PCDH11X: variants seen among roughly 807,000 people sequenced by gnomAD.
PCDH11X encodes the protein protocadherin 11 X-linked.
In PCDH11X, 18 loss-of-function variants were observed where a neutral mutation model predicts 53.3. That is an observed-to-expected ratio of 0.34 (90% confidence interval 0.23 to 0.50). PCDH11X has a LOEUF of 0.50. Ranked by LOEUF, PCDH11X falls within the 20% of genes least tolerant of loss-of-function variation. The pLI, the probability that PCDH11X is intolerant of heterozygous loss-of-function variation, is 0.98. For missense variants in PCDH11X, 570 were observed against 1,032.4 expected (o/e 0.55, Z 6.14); for synonymous variants, 279 against 393.3 (o/e 0.71, Z 3.44).
chrX:92,437,189 C>G (rs936492534), intron 9 of PCDH11X, among the ~76,000 whole-genome samples: 10 of 110,709 alleles, frequency 9.0e-5, no homozygotes, highest in African/African-American at 3.3e-4. Flanking sequence ...AGTAGATGTG[C>G]ATATGTGTGT....
intron 6 of PCDH11X, among the ~76,000 whole-genome samples, chrX:91,978,477 T>C (rs2062076259): frequency 9.2e-6 from 1 of 108,351 alleles, no homozygotes; most frequent in African/African-American, 3.4e-5. Flanking sequence ...CTCACTTTGC[T>C]GTACAGGAAG....
intron 10 of PCDH11X, among the ~76,000 whole-genome samples, chrX:92,526,295 A>G (rs1159641626): frequency 9.0e-6 from 1 of 110,880 alleles, no homozygotes; most frequent in Non-Finnish European, 1.9e-5. Context: ...ACTTTAGGAG[A>G]ATTGAGATTT....
chrX:92,257,497 G>T (rs1238037587), intron 7 of PCDH11X, among the ~76,000 whole-genome samples: 1 of 111,870 alleles, frequency 8.9e-6, no homozygotes, highest in African/African-American at 3.2e-5. Flanking sequence ...TCTGAGAGTA[G>T]GCTAGTCCCT....
chrX:92,406,669 A>G (rs1380925774), intron 9 of PCDH11X, among the ~76,000 whole-genome samples: 1 of 98,307 alleles, frequency 1.0e-5, no homozygotes, highest in Non-Finnish European at 2.0e-5. Flanking sequence ...CACGCCTGTA[A>G]TCCCAGCACT....
chrX:92,114,894 C>T (rs146729080), intron 6 of PCDH11X, among the ~76,000 whole-genome samples: 1,316 of 110,465 alleles, frequency 0.012, 11 homozygotes, highest in Non-Finnish European at 0.02. Flanking sequence ...TGCAATGGCG[C>T]GAACTCGGCT....
chrX:92,512,629 G>A (rs2750899), intron 10 of PCDH11X, among the ~76,000 whole-genome samples: 2 of 112,003 alleles, frequency 1.8e-5, no homozygotes, highest in East Asian at 2.8e-4. Flanking sequence ...GCATCTATAC[G>A]CCACAAAACT....
At chrX:92,045,007 A>G (rs1465701456) in intron 6 of PCDH11X, among the ~76,000 whole-genome samples, 3 of 81,207 alleles carry the variant, frequency 3.7e-5, no homozygotes, top group Non-Finnish European at 6.1e-5. Flanking sequence ...AGAAAACCAC[A>G]TAATTCCTGT....
intron 10 of PCDH11X, among the ~76,000 whole-genome samples, chrX:92,553,882 A>T (rs766250628): frequency 1.2e-4 from 13 of 111,412 alleles, no homozygotes; most frequent in Admixed American, 1.9e-4. Flanking sequence ...AGAATAGAGA[A>T]TATGAATGTG....
intron 8 of PCDH11X, among the ~76,000 whole-genome samples, chrX:92,377,169 C>A (rs1183486911): frequency 8.9e-6 from 1 of 111,800 alleles, no homozygotes; most frequent in Non-Finnish European, 1.9e-5. Context: ...AGGATGTAAT[C>A]TTTTCAATTT....
At chrX:92,271,300 G>C (rs1341447365) in intron 8 of PCDH11X, among the ~76,000 whole-genome samples, 1 of 112,059 alleles carries the variant, frequency 8.9e-6, no homozygotes, top group Non-Finnish European at 1.9e-5. Flanking sequence ...AGAAATCTTT[G>C]TGTCAATGAG....
chrX:92,489,567 C>A (rs1412076973), intron 10 of PCDH11X, among the ~76,000 whole-genome samples: 1 of 109,070 alleles, frequency 9.2e-6, no homozygotes, highest in African/African-American at 3.3e-5. Flanking sequence ...TATCCCGACT[C>A]CTGCTTTTTT....
chrX:92,620,832 G>A lies in PCDH11X; in HGVS notation c.*1892G>A, dbSNP rs762414584. The A allele has an allele frequency of 9.3e-6, 1 of 107,989 alleles. No homozygotes were observed. The highest frequency in any genetic ancestry group is 3.5e-5 in the African/African-American group (1 of 28,946). 8.9% of individuals were successfully genotyped at this position (107,989 alleles called of 1,213,427 possible). A position where few individuals can be genotyped will look rare whatever the true frequency, so the allele number is the denominator to read the frequency against. On this transcript the variant is annotated 3_prime_UTR_variant, in exon 11 of 11. Transcript: ENST00000682573. ...TCCTTCGTGTTGTTAATGTTCCAAG[G>A]GATTTGGAGCATACTGGTTTTCCAG...
chrX:91,796,141 T>C (rs757726738), intron 1 of PCDH11X, among the ~76,000 whole-genome samples: 9 of 111,955 alleles, frequency 8.0e-5, no homozygotes, highest in South Asian at 3.7e-4. Context: ...ACCTCAGTTA[T>C]ATTTTAGTCT....
At chrX:91,975,667 C>G (rs1027270313) in intron 6 of PCDH11X, among the ~76,000 whole-genome samples, 1 of 110,407 alleles carries the variant, frequency 9.1e-6, no homozygotes, top group African/African-American at 3.3e-5. Flanking sequence ...AAGAGGAAAA[C>G]CTGAGTGTGT....
intron 6 of PCDH11X, among the ~76,000 whole-genome samples, chrX:91,892,047 T>TAG (rs1473514694): frequency 1.3e-5 from 1 of 79,968 alleles, no homozygotes; most frequent in African/African-American, 4.7e-5. Context: ...GTGTGTGTGT[T>TAG]AGAGAGAGAG....
At chrX:92,357,600 A>G (rs2070241183) in intron 8 of PCDH11X, among the ~76,000 whole-genome samples, 1 of 107,279 alleles carries the variant, frequency 9.3e-6, no homozygotes, top group Non-Finnish European at 1.9e-5. Context: ...AGAGCCTTCT[A>G]TGAACAGAAA....
intron 6 of PCDH11X, among the ~76,000 whole-genome samples, chrX:92,082,203 A>G (rs1270608398): frequency 9.1e-6 from 1 of 109,457 alleles, no homozygotes; most frequent in Non-Finnish European, 1.9e-5. Flanking sequence ...TAGGTTTTAA[A>G]CACTAAATAA....
intron 4 of PCDH11X, among the ~76,000 whole-genome samples, chrX:91,822,769 G>A (rs1254063795): frequency 9.0e-6 from 1 of 111,298 alleles, no homozygotes; most frequent in Non-Finnish European, 1.9e-5. Context: ...TGATACTAGG[G>A]TGTCAATTTT....
chrX:91,967,657 C>T (rs1441109039), intron 6 of PCDH11X, among the ~76,000 whole-genome samples: 2 of 110,303 alleles, frequency 1.8e-5, no homozygotes, highest in African/African-American at 3.3e-5. Context: ...TCCAACTGAG[C>T]GTTCAACCTT....
Sources: allele counts gnomAD v4.1 joint callset (sites outside exome capture counted in the v4.1 genomes callset), GRCh38; gene constraint gnomAD v4.1.1; transcripts MANE v1.5; gene names NCBI Gene and HGNC (gene_info 2026-07-23, HGNC 2026-07-21).